Variants in LRMDA observed in about 807,000 individuals in gnomAD.
LRMDA encodes the protein leucine-rich melanocyte differentiation-associated protein.
LRMDA carries 18 observed loss-of-function variants against 29.8 expected under a neutral mutation model. The observed-to-expected ratio is 0.60, with a 90% CI of 0.42 to 0.90. The LOEUF is 0.90. Among genes scored for constraint, LRMDA ranks in the 40% least tolerant of loss-of-function variants. LRMDA has a pLI of 0.00. For synonymous variants in LRMDA, 125 were observed against 109.4 expected (o/e 1.14, Z -0.89); for missense variants, 273 against 273.9 (o/e 1.00, Z 0.02).
In LRMDA at chr10:76,402,288, G is replaced by A. The variant is rs191592228; in HGVS notation, c.601+77803G>A. The A allele has an allele frequency of 9.1e-4, 138 of 152,366 alleles. 1 individual carries two copies. Among genetic ancestry groups the A allele is most frequent in the African/African-American group, 3.2e-3 (134 of 41,582 alleles). 9.4% of individuals were successfully genotyped at this position (152,366 alleles called of 1,614,324 possible). On this transcript the variant is annotated intron_variant, in intron 6 of 6. Transcript: ENST00000611255. Reference sequence around the variant, plus strand: ...AAAGCCAGTGCTGCAGTAGCCTAGAGACTGTGGAAGAGAGGAGGCTTGGGG... The same window carrying A: ...AAAGCCAGTGCTGCAGTAGCCTAGAAACTGTGGAAGAGAGGAGGCTTGGGG...
chr10:76,279,532 A>C (rs1022911535), intron 5 of LRMDA, among the ~76,000 whole-genome samples: 1 of 150,166 alleles, frequency 6.7e-6, no homozygotes, highest in East Asian at 2.0e-4. Context: ...ACTAATAACA[A>C]ATGCTTCTTT....
chr10:76,454,379 G>A (rs2132302415), intron 6 of LRMDA, among the ~76,000 whole-genome samples: 1 of 152,180 alleles, frequency 6.6e-6, no homozygotes, highest in Non-Finnish European at 1.5e-5. Flanking sequence ...CTCTTTTGTT[G>A]TTTAATGCAG....
chr10:75,551,668 C>T (rs539973473), intron 2 of LRMDA, among the ~76,000 whole-genome samples: 29 of 152,184 alleles, frequency 1.9e-4, no homozygotes, highest in Admixed American at 1.5e-3. Context: ...TGAACTCATC[C>T]GTTTTTATGG....
chr10:75,816,419 T>C (rs1485763477), intron 2 of LRMDA, among the ~76,000 whole-genome samples: 1 of 152,024 alleles, frequency 6.6e-6, no homozygotes, highest in Non-Finnish European at 1.5e-5. Flanking sequence ...CCTGTGGGAG[T>C]TCCCACCTGT....
intron 2 of LRMDA, among the ~76,000 whole-genome samples, chr10:75,531,260 A>C (rs2132043060): frequency 6.6e-6 from 1 of 152,282 alleles, no homozygotes; most frequent in Non-Finnish European, 1.5e-5. Context: ...GGGGGTGGTT[A>C]ACACAGTCAG....
chr10:75,484,724 CTG>C lies in LRMDA; in HGVS notation c.131+46232_131+46233del, dbSNP rs1466024988. 8.5e-5 allele frequency among the ~76,000 whole-genome samples: 13 copies of C among 152,332 alleles called. No homozygotes were observed. The East Asian group carries it at 9.7e-4, about 11-fold the overall frequency. ...GAAGAGGAAGAGACACCAGAGAGCT[CTG>C]TCTCTCCTCATATGCACAGAGAAGA... On this transcript the variant is annotated intron_variant, in intron 2 of 6. Transcript: ENST00000611255.
intron 5 of LRMDA, among the ~76,000 whole-genome samples, chr10:76,200,602 T>G (rs11001680): frequency 0.15 from 23,414 of 152,200 alleles, 2,525 homozygotes; most frequent in East Asian, 0.52. Context: ...TTTTCACCAG[T>G]AGCAATAGTC....
intron 2 of LRMDA, among the ~76,000 whole-genome samples, chr10:75,644,401 G>A (rs370259804): frequency 2.0e-5 from 3 of 152,218 alleles, no homozygotes; most frequent in Non-Finnish European, 4.4e-5. Flanking sequence ...CATTTATCAC[G>A]TTCAACCTGG....
At chr10:76,523,996 AT>A (rs2132365125) in intron 6 of LRMDA, among the ~76,000 whole-genome samples, 1 of 152,228 alleles carries the variant, frequency 6.6e-6, no homozygotes, top group East Asian at 1.9e-4. Flanking sequence ...ACAGATGAAC[AT>A]TGACGCAAAT....
At chr10:76,068,768 G>C (rs1426301635) in intron 5 of LRMDA, among the ~76,000 whole-genome samples, 1 of 152,212 alleles carries the variant, frequency 6.6e-6, no homozygotes, top group Non-Finnish European at 1.5e-5. Flanking sequence ...AAAATGTGAT[G>C]ATGGTCTGAA....
At chr10:75,589,767 T>A (rs57306917) in intron 2 of LRMDA, among the ~76,000 whole-genome samples, 9,404 of 66,308 alleles carry the variant, frequency 0.14, 963 homozygotes, top group African/African-American at 0.32. Context: ...CTAAAAAAAA[T>A]ATATATATAT....
chr10:75,846,843 G>T (rs942186391), intron 2 of LRMDA, among the ~76,000 whole-genome samples: 8 of 152,134 alleles, frequency 5.3e-5, no homozygotes, highest in African/African-American at 1.7e-4. Flanking sequence ...ATAAAACATT[G>T]CTAAAAGAAA....
At chr10:76,331,885 G>C (rs1840909224) in intron 6 of LRMDA, among the ~76,000 whole-genome samples, 1 of 152,194 alleles carries the variant, frequency 6.6e-6, no homozygotes, top group Admixed American at 6.5e-5. Context: ...GAGGTGACTA[G>C]TGATTTGACA....
intron 5 of LRMDA, among the ~76,000 whole-genome samples, chr10:76,194,421 G>A (rs1295606533): frequency 2.0e-5 from 3 of 152,054 alleles, no homozygotes; most frequent in Non-Finnish European, 4.4e-5. Flanking sequence ...TTGGGTATCC[G>A]GGTACACAAG....
intron 2 of LRMDA, among the ~76,000 whole-genome samples, chr10:75,924,949 G>A (rs1382799560): frequency 6.6e-6 from 1 of 152,186 alleles, no homozygotes; most frequent in Non-Finnish European, 1.5e-5. Context: ...TCGTCCCAGT[G>A]GCTGCCACTC....
intron 2 of LRMDA, among the ~76,000 whole-genome samples, chr10:75,809,183 C>A (rs1843912707): frequency 6.6e-6 from 1 of 152,240 alleles, no homozygotes; most frequent in African/African-American, 2.4e-5. Flanking sequence ...CGGGGAGGAT[C>A]AGCCACCTTG....
chr10:75,661,724 C>G (rs74147166), intron 2 of LRMDA, among the ~76,000 whole-genome samples: 1 of 152,160 alleles, frequency 6.6e-6, no homozygotes, highest in Non-Finnish European at 1.5e-5. Context: ...AAAAGAAACA[C>G]ACATGATGTA....
At chr10:76,113,027 T>G (rs909055910) in intron 5 of LRMDA, among the ~76,000 whole-genome samples, 1 of 152,170 alleles carries the variant, frequency 6.6e-6, no homozygotes, top group Non-Finnish European at 1.5e-5. Context: ...GGACTTAACC[T>G]CCTTAATCCA....
rs1162418666 is a variant in LRMDA at position 76,497,100 on chromosome 10, T to C, written c.602-60109T>C. On this transcript the variant is annotated intron_variant, in intron 6 of 6. Transcript: ENST00000611255. ...AGGAAAGTTAAAAGGTATTTAATAA[T>C]GAGAATTGTATTAGCTTTCAAATAT... Among the ~76,000 whole-genome samples, 9 of 75,996 alleles carry C rather than the reference T, an allele frequency of 1.2e-4. 4 individuals carry two copies. The highest frequency in any genetic ancestry group is 2.4e-4 in the Admixed American group (2 of 8,264). The allele number at this position is 75,996 out of a possible 152,430, so 49.9% of individuals were successfully genotyped here.
Sources: allele counts gnomAD v4.1 joint callset (sites outside exome capture counted in the v4.1 genomes callset), GRCh38; gene constraint gnomAD v4.1.1; transcripts MANE v1.5; gene names NCBI Gene and HGNC (gene_info 2026-07-23, HGNC 2026-07-21).